CDK19: variants seen among roughly 807,000 people sequenced by gnomAD.
The protein encoded by CDK19 is cyclin dependent kinase 19.
A neutral mutation model predicts 68.3 loss-of-function variants in CDK19; 20 were observed. The observed-to-expected ratio is 0.29, with a 90% CI of 0.21 to 0.43. The LOEUF (loss-of-function observed/expected upper bound fraction) is 0.43, where lower values mean the gene tolerates loss of function less well. CDK19 is among the 20% of genes least tolerant of loss of function. CDK19 has a pLI of 1.00. For missense variants in CDK19, 339 were observed against 623.5 expected (o/e 0.54, Z 4.86); for synonymous variants, 221 against 222.8 (o/e 0.99, Z 0.07).
intron 1 of CDK19, among the ~76,000 whole-genome samples, chr6:110,747,601 T>C (rs563192756): frequency 2.2e-4 from 34 of 152,266 alleles, no homozygotes; most frequent in African/African-American, 7.7e-4. Context: ...CGTTAAGATA[T>C]AGGAAGTTAT....
chr6:110,684,548 C>T (rs1772293316), intron 2 of CDK19, among the ~76,000 whole-genome samples: 1 of 152,088 alleles, frequency 6.6e-6, no homozygotes, highest in Admixed American at 6.5e-5. Flanking sequence ...CAAATTCTGT[C>T]CCTAGTTTTC....
chr6:110,716,918 G>C (rs562937537), intron 2 of CDK19, among the ~76,000 whole-genome samples: 60 of 152,226 alleles, frequency 3.9e-4, no homozygotes, highest in African/African-American at 1.4e-3. Flanking sequence ...CGGATCACGA[G>C]GTCAGGAGTT....
chr6:110,728,254 C>G (rs1199122586), intron 2 of CDK19, among the ~76,000 whole-genome samples: 2 of 150,044 alleles, frequency 1.3e-5, no homozygotes, highest in East Asian at 3.9e-4. Context: ...CACCACTGCA[C>G]TCCAGCCTGG....
At position 110,620,865 on chromosome 6, in the gene CDK19, G is replaced by A. The variant is rs562806446; in HGVS notation, c.1377+239C>T. ...GTAAAATGATGAAATTTTCTTTAAG[G>A]ATGGGGGCACTGGCCTCCCTACCTT... On this transcript the variant is annotated intron_variant, in intron 12 of 12. Coordinates refer to ENST00000368911, the MANE Select transcript of CDK19 (RefSeq NM_015076.5). Among the ~76,000 whole-genome samples the A allele has an allele frequency of 7.9e-5, 12 of 152,106 alleles. No individual in the cohort carries two copies. In the South Asian group the frequency reaches 2.5e-3, roughly 32 times the overall value.
chr6:110,795,862 A>G (rs1781900373), intron 1 of CDK19, among the ~76,000 whole-genome samples: 1 of 152,206 alleles, frequency 6.6e-6, no homozygotes, highest in Admixed American at 6.5e-5. Context: ...GATAATATAG[A>G]TAAACACTGA....
chr6:110,734,628 G>A lies in CDK19; in HGVS notation c.204+11498C>T, dbSNP rs541712685. ...TTCTACATTCTCCCTTCTCCACCTG[G>A]CTAGCCCCTATTAGGCTTTGAAATT... On this transcript the variant is annotated intron_variant, in intron 2 of 12. Transcript: ENST00000368911. Among the ~76,000 whole-genome samples the A allele has an allele frequency of 2.2e-5, 3 of 139,356 alleles. No homozygotes were observed. The South Asian group carries it at 6.9e-4, about 32-fold the overall frequency. 91.4% of individuals were successfully genotyped at this position (139,356 alleles called of 152,430 possible). A position where few individuals can be genotyped will look rare whatever the true frequency, so the allele number is the denominator to read the frequency against.
At chr6:110,727,779 C>G (rs1168237239) in intron 2 of CDK19, among the ~76,000 whole-genome samples, 1 of 151,000 alleles carries the variant, frequency 6.6e-6, no homozygotes, top group African/African-American at 2.4e-5. Flanking sequence ...TTGAGACCAA[C>G]CTGGGCAACA....
chr6:110,721,571 T>A (rs1389252774), intron 2 of CDK19, among the ~76,000 whole-genome samples: 1 of 152,128 alleles, frequency 6.6e-6, no homozygotes, highest in African/African-American at 2.4e-5. Flanking sequence ...GCTAGGCACA[T>A]AAAAGGGTTT....
chr6:110,647,374 G>C (rs1780670037), intron 4 of CDK19, among the ~76,000 whole-genome samples: 1 of 147,160 alleles, frequency 6.8e-6, no homozygotes, highest in Admixed American at 6.8e-5. Context: ...GAACTACAAA[G>C]GAGTTGTGAA....
chr6:110,701,407 C>A (rs1562211529), intron 2 of CDK19, among the ~76,000 whole-genome samples: 1 of 150,276 alleles, frequency 6.7e-6, no homozygotes. Flanking sequence ...AAAAAATTAG[C>A]CGAGCATGGT....
At chr6:110,731,205 A>C (rs1246868797) in intron 2 of CDK19, among the ~76,000 whole-genome samples, 5 of 152,212 alleles carry the variant, frequency 3.3e-5, no homozygotes, top group African/African-American at 9.6e-5. Context: ...CTGAATGAGA[A>C]TCTGCATTTT....
At chr6:110,745,602 G>T (rs967056071) in intron 2 of CDK19, among the ~76,000 whole-genome samples, 3 of 151,996 alleles carry the variant, frequency 2.0e-5, no homozygotes, top group African/African-American at 7.3e-5. Flanking sequence ...AAATCATTTT[G>T]TTCAGTATTT....
In CDK19 at chr6:110,769,152, C is replaced by CAAAA. The variant is rs536664282; in HGVS notation, c.129-22955_129-22952dup. On this transcript the variant is annotated intron_variant, in intron 1 of 12. Transcript: ENST00000368911. The stretch of plus-strand genomic sequence containing the variant: ...ACTGGGTGACAGAGAGACTCTGTCT[C>CAAAA]AAAAAAAAAAAAAAAAAAAAAAACC... 3.6e-3 allele frequency among the ~76,000 whole-genome samples: 180 copies of CAAAA among 50,468 alleles called. 5 individuals carry two copies. Among genetic ancestry groups the CAAAA allele is most frequent in the African/African-American group, 0.01 (141 of 13,690 alleles). The allele number at this position is 50,468 out of a possible 152,430, so 33.1% of individuals were successfully genotyped here. A position where few individuals can be genotyped will look rare whatever the true frequency, so the allele number is the denominator to read the frequency against.
At chr6:110,705,266 C>A (rs983912762) in intron 2 of CDK19, among the ~76,000 whole-genome samples, 1 of 152,090 alleles carries the variant, frequency 6.6e-6, no homozygotes, top group Non-Finnish European at 1.5e-5. Flanking sequence ...TCTCAAACTC[C>A]CAACCTCAGG....
At chr6:110,697,058 CAAAA>C in intron 2 of CDK19, among the ~76,000 whole-genome samples, 1 of 109,384 alleles carries the variant, frequency 9.1e-6, no homozygotes, top group African/African-American at 3.4e-5. Context: ...AACTCCATCT[CAAAA>C]AAAAAAAAAA....
At chr6:110,809,958 A>AT (rs1332346297) in intron 1 of CDK19, among the ~76,000 whole-genome samples, 1 of 152,198 alleles carries the variant, frequency 6.6e-6, no homozygotes, top group African/African-American at 2.4e-5. Context: ...GAGGAAAGCT[A>AT]TTTGAGTTGG....
At chr6:110,655,082 G>C (rs933073881) in intron 4 of CDK19, among the ~76,000 whole-genome samples, 1 of 151,824 alleles carries the variant, frequency 6.6e-6, no homozygotes, top group Non-Finnish European at 1.5e-5. Flanking sequence ...AAAAATCCTC[G>C]ATAGGCCGGG....
At chr6:110,813,547 T>C (rs991193079) in intron 1 of CDK19, 1 of 152,122 alleles carries the variant, frequency 6.6e-6, no homozygotes, top group Non-Finnish European at 1.5e-5. Context: ...CATTCCATGA[T>C]AAGCATTCAA....
chr6:110,723,565 T>A (rs986173450), intron 2 of CDK19, among the ~76,000 whole-genome samples: 16 of 152,316 alleles, frequency 1.1e-4, no homozygotes, highest in South Asian at 6.2e-4. Flanking sequence ...CAATGCTAGG[T>A]TCCTGACCTA....
Sources: gnomAD v4.1 joint callset for allele counts (sites outside exome capture counted in the v4.1 genomes callset) on GRCh38, gnomAD v4.1.1 for gene constraint, MANE v1.5 for transcripts, NCBI Gene and HGNC (gene_info 2026-07-23, HGNC 2026-07-21) for gene names.